ZNF808: variants seen among roughly 807,000 people sequenced by gnomAD.
The protein encoded by ZNF808 is zinc finger protein 808.
Under a neutral mutation model 8.7 loss-of-function variants are expected in ZNF808, and 5 were observed. The observed-to-expected ratio is 0.58, with a 90% CI of 0.30 to 1.21. The LOEUF is 1.21. ZNF808 is among the 50% of genes most tolerant of loss of function. The probability of loss-of-function intolerance (pLI) is 0.07; values close to 1 mark genes in which losing one functional copy is unlikely to be tolerated. For synonymous variants in ZNF808, 380 were observed against 366.0 expected (o/e 1.04, Z -0.44); for missense variants, 1,103 against 1,098.4 (o/e 1.00, Z -0.06).
chr19:52,553,786 A>G lies in ZNF808; in HGVS notation c.870A>G (p.Lys290=), dbSNP rs774714247. The change falls in exon 5 of 5, where the codon AAA becomes AAG. Residue 290 remains lysine (K), a synonymous_variant. Coordinates refer to ENST00000359798, the MANE Select transcript of ZNF808 (RefSeq NM_001039886.4). ...CHTGEKPYKC[K]ECGKSFSYKS... ...CTGGAGAGAAACCTTACAAGTGTAA[A>G]GAGTGTGGAAAGTCCTTCAGTTACA... 6.2e-7 allele frequency: 1 copy of G among 1,614,012 alleles called. No homozygotes were observed. Among genetic ancestry groups the G allele is most frequent in the African/African-American group, 1.3e-5 (1 of 75,010 alleles).
At chr19:52,548,703 G>A (rs2123163390) in intron 4 of ZNF808, among the ~76,000 whole-genome samples, 1 of 152,284 alleles carries the variant, frequency 6.6e-6, no homozygotes, top group South Asian at 2.1e-4. Context: ...GGGATTACAG[G>A]CATGAGCCAC....
At chr19:52,561,019 C>T (rs1039327128), downstream of ZNF808, among the ~76,000 whole-genome samples, 7 of 152,074 alleles carry the variant, frequency 4.6e-5, no homozygotes, top group African/African-American at 7.2e-5. Context: ...TATAGGAGGC[C>T]GCTTAAATCA....
downstream of ZNF808, among the ~76,000 whole-genome samples, chr19:52,567,461 TGA>T (rs2059875591): frequency 6.8e-6 from 1 of 147,574 alleles, no homozygotes; most frequent in Admixed American, 6.8e-5. Flanking sequence ...CGCTCAGGCT[TGA>T]GACACCTTGT....
chr19:52,550,562 G>C (rs932948919), intron 4 of ZNF808, among the ~76,000 whole-genome samples: 1 of 150,468 alleles, frequency 6.6e-6, no homozygotes, highest in Admixed American at 6.6e-5. Flanking sequence ...TTTCCCTCTT[G>C]TTGCCCAGGC....
At chr19:52,542,843 TTGTCGCCCAGGCTGGAGTGCAG>T (rs2059684728) in intron 2 of ZNF808, among the ~76,000 whole-genome samples, 1 of 151,904 alleles carries the variant, frequency 6.6e-6, no homozygotes, top group Non-Finnish European at 1.5e-5. Context: ...AAGTCTCATT[TTGTCGCCCAGGCTGGAGTGCAG>T]TGGCACGATC....
At chr19:52,559,631 C>T (rs1416388897), downstream of ZNF808, among the ~76,000 whole-genome samples, 1 of 152,148 alleles carries the variant, frequency 6.6e-6, no homozygotes, top group African/African-American at 2.4e-5. Context: ...GAGAAATGCC[C>T]ACAGGTGTGG....
At chr19:52,529,907 A>ATTT (rs1263796283) in intron 1 of ZNF808, among the ~76,000 whole-genome samples, 2 of 126,964 alleles carry the variant, frequency 1.6e-5, no homozygotes, top group African/African-American at 6.1e-5. Flanking sequence ...ATATATATAT[A>ATTT]TATATTTTTT....
intron 3 of ZNF808, among the ~76,000 whole-genome samples, chr19:52,546,648 T>C (rs1190552798): frequency 7.8e-6 from 1 of 128,346 alleles, no homozygotes; most frequent in Admixed American, 8.5e-5. Context: ...TTTGCTTTTT[T>C]TTTTTTTTTT....
chr19:52,546,642 C>CTT lies in ZNF808; in HGVS notation c.64-851_64-850dup, dbSNP rs67940309. On this transcript the variant is annotated intron_variant, in intron 3 of 4. Coordinates refer to ENST00000359798, the MANE Select transcript of ZNF808 (RefSeq NM_001039886.4). Reference sequence around the variant, plus strand: ...GTCTGTAGAGAAAACCCTGTGTTTGCTTTTTTTTTTTTTTTTTTTTGAGAT... The same window carrying CTT: ...GTCTGTAGAGAAAACCCTGTGTTTGCTTTTTTTTTTTTTTTTTTTTTTGAGAT... Among the ~76,000 whole-genome samples the CTT allele has an allele frequency of 7.5e-4, 74 of 98,782 alleles. 2 individuals carry two copies. The highest frequency in any genetic ancestry group is 1.5e-3 in the African/African-American group (37 of 25,282). 64.8% of individuals were successfully genotyped at this position (98,782 alleles called of 152,430 possible). A position where few individuals can be genotyped will look rare whatever the true frequency, so the allele number is the denominator to read the frequency against.
In ZNF808 at chr19:52,550,243, T is replaced by C. The variant is rs1403096045; in HGVS notation, c.190+2605T>C. On this transcript the variant is annotated intron_variant, in intron 4 of 4. Transcript: ENST00000359798. Reference sequence around the variant, plus strand: ...CTCCAGGGTTGGTTTTTTTTTTTTGTTTTTGAGATGGAGTTTTGCTCCCGT... The same window carrying C: ...CTCCAGGGTTGGTTTTTTTTTTTTGCTTTTGAGATGGAGTTTTGCTCCCGT... Among the ~76,000 whole-genome samples, 5 of 151,258 alleles carry C rather than the reference T, an allele frequency of 3.3e-5. No individual in the cohort carries two copies. In the East Asian group the frequency reaches 7.8e-4, roughly 23 times the overall value.
intron 1 of ZNF808, among the ~76,000 whole-genome samples, chr19:52,532,485 TGG>T (rs2059569714): frequency 6.6e-6 from 1 of 152,206 alleles, no homozygotes; most frequent in South Asian, 2.1e-4. Flanking sequence ...AAGCTTCTGG[TGG>T]ATTATTTACC....
Position 52,555,692 on chromosome 19 carries a change from G to T in ZNF808, c.*64G>T. ...AATTGCAAATCATTGGAGAATCCAT[G>T]ATGAAGAGAAATCTTCTGAGTGTAA... On this transcript the variant is annotated 3_prime_UTR_variant, in exon 5 of 5. Coordinates refer to ENST00000359798, the MANE Select transcript of ZNF808 (RefSeq NM_001039886.4). The T allele has an allele frequency of 6.4e-7, 1 of 1,557,536 alleles. No individual in the cohort carries two copies. The highest frequency in any genetic ancestry group is 1.4e-5 in the African/African-American group (1 of 73,522).
downstream of ZNF808, among the ~76,000 whole-genome samples, chr19:52,568,046 C>A (rs1012686173): frequency 3.9e-5 from 6 of 152,162 alleles, no homozygotes; most frequent in African/African-American, 1.4e-4. Context: ...GGTCATGCAA[C>A]CTGAGTCCGG....
In ZNF808 at chr19:52,555,501, T is replaced by C. The variant is rs773312149; in HGVS notation, c.2585T>C (p.Leu862Pro). The change falls in exon 5 of 5, where the codon CTT (leucine) becomes CCT (proline). Residue 862 changes from leucine (L) to proline (P), a missense_variant. Transcript: ENST00000359798. ...AAAGTTTTCAGTCGCAAATCACACC[T>C]TAAAAGACATAGGATAATTCATACT... is the stretch of plus-strand genomic sequence containing the variant. ...CDKVFSRKSH[L>P]KRHRIIHTGE... The C allele has an allele frequency of 6.2e-7, 1 of 1,614,044 alleles. No homozygotes were observed. The highest frequency in any genetic ancestry group is 2.2e-5 in the East Asian group (1 of 44,852).
downstream of ZNF808, among the ~76,000 whole-genome samples, chr19:52,559,075 G>A (rs1263400649): frequency 6.6e-6 from 1 of 152,224 alleles, no homozygotes; most frequent in Non-Finnish European, 1.5e-5. Context: ...GGCCTCATGG[G>A]AAGGGAAAGA....
chr19:52,556,755 T>C (rs1331919419), downstream of ZNF808: 1 of 151,844 alleles, frequency 6.6e-6, no homozygotes, highest in Non-Finnish European at 1.5e-5. Flanking sequence ...TGAGACTCCG[T>C]CTATTAAAAA....
downstream of ZNF808, among the ~76,000 whole-genome samples, chr19:52,566,188 G>A (rs1002606847): frequency 1.1e-4 from 17 of 151,770 alleles, no homozygotes; most frequent in East Asian, 2.5e-3. Flanking sequence ...TTTTTGAGAC[G>A]GAGTTTCAAT....
chr19:52,550,135 C>G (rs1188577237), intron 4 of ZNF808, among the ~76,000 whole-genome samples: 1 of 152,154 alleles, frequency 6.6e-6, no homozygotes, highest in Non-Finnish European at 1.5e-5. Context: ...TCTTGTCCCT[C>G]ACTTACCTTA....
intron 2 of ZNF808, among the ~76,000 whole-genome samples, chr19:52,536,957 C>T (rs145838758): frequency 8.0e-4 from 122 of 152,120 alleles, no homozygotes; most frequent in African/African-American, 2.8e-3. Context: ...GAAGCTTAGG[C>T]GGGCGGATCA....
Sources: allele counts gnomAD v4.1 joint callset (sites outside exome capture counted in the v4.1 genomes callset), GRCh38; gene constraint gnomAD v4.1.1; transcripts MANE v1.5; gene names NCBI Gene and HGNC (gene_info 2026-07-23, HGNC 2026-07-21).